ATG10: variants seen among roughly 807,000 people sequenced by gnomAD.
ATG10 encodes ubiquitin-like-conjugating enzyme ATG10.
In ATG10, 30 loss-of-function variants were observed where a neutral mutation model predicts 32.1. The ratio of observed to expected loss-of-function variants is 0.94; its 90% CI spans 0.70 to 1.27. The LOEUF (loss-of-function observed/expected upper bound fraction) is 1.27. ATG10 is among the 50% of genes most tolerant of loss of function. ATG10 has a pLI of 0.00. For missense variants in ATG10, 233 were observed against 262.3 expected (o/e 0.89, Z 0.77); for synonymous variants, 87 against 91.5 (o/e 0.95, Z 0.28).
chr5:82,089,094 G>A (rs1204745274), intron 3 of ATG10, among the ~76,000 whole-genome samples: 2 of 152,184 alleles, frequency 1.3e-5, no homozygotes, highest in Non-Finnish European at 2.9e-5. Context: ...GCTCACGCCT[G>A]TAATCCCAGC....
At chr5:82,100,039 C>A (rs1258528468) in intron 3 of ATG10, among the ~76,000 whole-genome samples, 2 of 106,396 alleles carry the variant, frequency 1.9e-5, no homozygotes, top group Admixed American at 2.8e-4. Flanking sequence ...GCTGGAGTCT[C>A]GCTCTGTTGC....
chr5:82,084,710 G>A (rs1333474488), intron 3 of ATG10, among the ~76,000 whole-genome samples: 1 of 152,142 alleles, frequency 6.6e-6, no homozygotes, highest in Non-Finnish European at 1.5e-5. Context: ...TTTCAACCCA[G>A]AATTTCATAT....
intron 2 of ATG10, 38 bp from the exon 3 acceptor site, chr5:82,058,457 T>A: frequency 7.2e-7 from 1 of 1,394,916 alleles, no homozygotes; most frequent in East Asian, 2.3e-5. Flanking sequence ...TTAAAATAAT[T>A]GGCATTTTCT....
chr5:82,206,517 G>A (rs1177875045), intron 5 of ATG10, among the ~76,000 whole-genome samples: 4 of 152,000 alleles, frequency 2.6e-5, no homozygotes, highest in Admixed American at 2.6e-4. Flanking sequence ...AGGCTTGGTG[G>A]CATGTGCCTG....
intron 2 of ATG10, among the ~76,000 whole-genome samples, chr5:82,037,023 T>A (rs7708850): frequency 1.3e-5 from 2 of 148,684 alleles, no homozygotes. Context: ...TCCAGCTGCT[T>A]GGGAGGCTGA....
intron 5 of ATG10, among the ~76,000 whole-genome samples, chr5:82,236,108 A>G (rs899767613): frequency 7.9e-5 from 12 of 152,192 alleles, no homozygotes; most frequent in Non-Finnish European, 1.5e-4. Flanking sequence ...TGCTATTAGG[A>G]CTAAATGTTC....
At chr5:82,184,807 C>T (rs1744385814) in intron 5 of ATG10, among the ~76,000 whole-genome samples, 1 of 151,940 alleles carries the variant, frequency 6.6e-6, no homozygotes, top group Admixed American at 6.6e-5. Flanking sequence ...ATTGTAGACC[C>T]CAGGCACCAT....
At chr5:82,229,317 C>T (rs1581828748) in intron 5 of ATG10, among the ~76,000 whole-genome samples, 1 of 152,152 alleles carries the variant, frequency 6.6e-6, no homozygotes, top group African/African-American at 2.4e-5. Context: ...GAGGAACATG[C>T]TAGAAAGGAA....
chr5:82,173,576 C>T (rs1286934669), intron 4 of ATG10, among the ~76,000 whole-genome samples: 1 of 152,120 alleles, frequency 6.6e-6, no homozygotes. Flanking sequence ...TATAAATGAC[C>T]TCAATTTACC....
chr5:82,031,341 A>T (rs921715623), intron 2 of ATG10, among the ~76,000 whole-genome samples: 20 of 123,664 alleles, frequency 1.6e-4, no homozygotes, highest in African/African-American at 4.6e-4. Context: ...GGTTAATTAT[A>T]AAAAAAAATG....
At chr5:82,233,544 G>C (rs766817799) in intron 5 of ATG10, among the ~76,000 whole-genome samples, 5 of 152,210 alleles carry the variant, frequency 3.3e-5, no homozygotes, top group Admixed American at 6.5e-5. Context: ...ACGAAAGAGT[G>C]AGAGTTTGAA....
At chr5:82,005,405 C>T (rs962572757) in intron 2 of ATG10, among the ~76,000 whole-genome samples, 1 of 152,190 alleles carries the variant, frequency 6.6e-6, no homozygotes, top group Non-Finnish European at 1.5e-5. Flanking sequence ...GGCAATTCTC[C>T]TGCCTCAGCC....
intron 3 of ATG10, among the ~76,000 whole-genome samples, chr5:82,109,044 A>G (rs536596592): frequency 3.4e-4 from 52 of 152,250 alleles, no homozygotes; most frequent in African/African-American, 1.1e-3. Context: ...TTTCAGAGAA[A>G]GTGTATAGAC....
intron 3 of ATG10, among the ~76,000 whole-genome samples, chr5:82,103,777 T>G (rs1177528716): frequency 6.6e-6 from 1 of 152,104 alleles, no homozygotes; most frequent in Non-Finnish European, 1.5e-5. Flanking sequence ...TTGGTGGGTG[T>G]TCACAAAGTG....
chr5:81,987,529 T>TCTAAA (rs779564591), intron 1 of ATG10, 30 bp from the exon 2 acceptor site: 1 of 1,402,162 alleles, frequency 7.1e-7, no homozygotes, highest in South Asian at 1.2e-5. Flanking sequence ...ATTCTAAAGT[T>TCTAAA]GATGCTAATA....
chr5:82,008,676 G>A (rs1162186349), intron 2 of ATG10, among the ~76,000 whole-genome samples: 2 of 152,152 alleles, frequency 1.3e-5, no homozygotes, highest in Admixed American at 1.3e-4. Context: ...AAAAAGCCTT[G>A]TAGGAAGTTA....
chr5:82,174,597 A>T (rs1195883284), intron 4 of ATG10, among the ~76,000 whole-genome samples: 1 of 152,326 alleles, frequency 6.6e-6, no homozygotes, highest in East Asian at 1.9e-4. Flanking sequence ...GGGACTAGTA[A>T]GTAATTAGTT....
chr5:82,252,720 T>A (rs945120470), intron 6 of ATG10, 61 bp downstream of exon 6: 6 of 950,642 alleles, frequency 6.3e-6, no homozygotes, highest in Non-Finnish European at 9.8e-6. Flanking sequence ...TAAATCTTTT[T>A]ATGTGACTCT....
chr5:82,087,757 G>A (rs1011989765), intron 3 of ATG10, among the ~76,000 whole-genome samples: 38 of 152,026 alleles, frequency 2.5e-4, no homozygotes, highest in Non-Finnish European at 1.0e-4. Context: ...GAGTGGTACA[G>A]GGCTGATATC....
Sources: allele counts gnomAD v4.1 joint callset (sites outside exome capture counted in the v4.1 genomes callset), GRCh38; gene constraint gnomAD v4.1.1; transcripts MANE v1.5; gene names NCBI Gene and HGNC (gene_info 2026-07-23, HGNC 2026-07-21).